COL19A1: variants seen among roughly 807,000 people sequenced by gnomAD.
The protein encoded by COL19A1 is collagen type XIX alpha 1 chain, also known as collagen alpha-1(XIX) chain.
Under a neutral mutation model 190.2 loss-of-function variants are expected in COL19A1, and 159 were observed. The ratio of observed to expected loss-of-function variants is 0.84; its 90% CI spans 0.73 to 0.95. COL19A1 has a LOEUF of 0.95. COL19A1 is among the 40% of genes least tolerant of loss of function. The pLI is 0.00. For missense variants in COL19A1, 1,418 were observed against 1,431.9 expected, an observed-to-expected ratio of 0.99 and a Z score of 0.16; for synonymous variants, 509 against 458.9, an observed-to-expected ratio of 1.11 and a Z score of -1.39.
At chr6:70,005,281 T>C (rs1268759663) in intron 11 of COL19A1, among the ~76,000 whole-genome samples, 1 of 152,214 alleles carries the variant, frequency 6.6e-6, no homozygotes, top group African/African-American at 2.4e-5. Context: ...CTCATCTTCA[T>C]GAGTTTGTCT....
At chr6:70,094,973 T>G (rs1783155464) in intron 15 of COL19A1, among the ~76,000 whole-genome samples, 1 of 152,178 alleles carries the variant, frequency 6.6e-6, no homozygotes, top group Admixed American at 6.5e-5. Context: ...AGCTTGATGC[T>G]TTTTTATAAA....
At chr6:70,099,446 AC>A (rs1473652841) in intron 15 of COL19A1, among the ~76,000 whole-genome samples, 1 of 152,134 alleles carries the variant, frequency 6.6e-6, no homozygotes, top group Non-Finnish European at 1.5e-5. Flanking sequence ...TTACTTTCAG[AC>A]TATGTGGATA....
chr6:69,949,522 A>T (rs535644929), intron 9 of COL19A1, among the ~76,000 whole-genome samples: 10 of 151,924 alleles, frequency 6.6e-5, no homozygotes, highest in South Asian at 4.2e-4. Context: ...AAATTGTAAA[A>T]TTTTTTTTAA....
chr6:69,979,044 A>G (rs1775887234), intron 11 of COL19A1, among the ~76,000 whole-genome samples: 2 of 151,958 alleles, frequency 1.3e-5, no homozygotes, highest in Non-Finnish European at 2.9e-5. Flanking sequence ...GGAAAATATG[A>G]CTACACTAAT....
At chr6:70,167,251 C>T (rs1765217092) in intron 37 of COL19A1, among the ~76,000 whole-genome samples, 1 of 152,196 alleles carries the variant, frequency 6.6e-6, no homozygotes, top group Non-Finnish European at 1.5e-5. Flanking sequence ...GTGACTTCTT[C>T]AACTCTGCAA....
At chr6:70,072,536 C>T (rs1781618919) in intron 15 of COL19A1, among the ~76,000 whole-genome samples, 1 of 152,046 alleles carries the variant, frequency 6.6e-6, no homozygotes, top group South Asian at 2.1e-4. Context: ...TGTAACTTAC[C>T]CCTCTATCCT....
At chr6:70,092,866 A>C (rs1428408925) in intron 15 of COL19A1, among the ~76,000 whole-genome samples, 1 of 152,158 alleles carries the variant, frequency 6.6e-6, no homozygotes, top group Admixed American at 6.6e-5. Context: ...AAATATTACT[A>C]ATGATTATTT....
chr6:70,063,204 A>G (rs1043976252), intron 14 of COL19A1, among the ~76,000 whole-genome samples: 34 of 152,140 alleles, frequency 2.2e-4, no homozygotes, highest in African/African-American at 8.2e-4. Flanking sequence ...CACTGCACCT[A>G]TTCCAAAATT....
chr6:70,122,053 A>G, intron 17 of COL19A1, 111 bp downstream of exon 17: 1 of 634,846 alleles, frequency 1.6e-6, no homozygotes, highest in Non-Finnish European at 2.6e-6. Context: ...ACATGATCAC[A>G]TGTATTTAAA....
intron 11 of COL19A1, among the ~76,000 whole-genome samples, chr6:69,981,787 C>A (rs1240944897): frequency 2.6e-5 from 4 of 151,954 alleles, no homozygotes; most frequent in Non-Finnish European, 2.9e-5. Flanking sequence ...TAGATACATG[C>A]ATTGCATATG....
chr6:69,901,838 G>A (rs1770212966), intron 4 of COL19A1, among the ~76,000 whole-genome samples: 1 of 152,206 alleles, frequency 6.6e-6, no homozygotes, highest in East Asian at 1.9e-4. Flanking sequence ...TTTGGCAAAA[G>A]GAGTGAAACC....
At chr6:70,050,317 A>G (rs1171412221) in intron 14 of COL19A1, among the ~76,000 whole-genome samples, 5 of 152,070 alleles carry the variant, frequency 3.3e-5, no homozygotes, top group Non-Finnish European at 7.4e-5. Context: ...ATAATTGCTG[A>G]CAAATGTTTA....
chr6:69,915,989 T>C (rs1771274476), intron 4 of COL19A1, among the ~76,000 whole-genome samples: 1 of 144,996 alleles, frequency 6.9e-6, no homozygotes, highest in Admixed American at 7.3e-5. Flanking sequence ...CAGGCTGGAG[T>C]GCAGTGGCGC....
At chr6:70,036,802 A>G (rs1482446361) in intron 14 of COL19A1, among the ~76,000 whole-genome samples, 2 of 152,174 alleles carry the variant, frequency 1.3e-5, no homozygotes, top group Non-Finnish European at 1.5e-5. Context: ...CAGATTTTTA[A>G]AAGTATTCTA....
intron 37 of COL19A1, among the ~76,000 whole-genome samples, chr6:70,167,043 G>C (rs190425478): frequency 7.2e-5 from 11 of 152,304 alleles, no homozygotes; most frequent in African/African-American, 2.6e-4. Context: ...GGAAATCTCA[G>C]ATGAAAATAT....
chr6:70,168,139 T>C (rs747023983), intron 38 of COL19A1, 32 bp from the exon 39 acceptor site: 21 of 1,607,018 alleles, frequency 1.3e-5, no homozygotes, highest in Non-Finnish European at 1.6e-5. Flanking sequence ...CTCATCTTTC[T>C]CTTTTTCTTT....
chr6:69,943,416 T>C (rs1461753044), intron 9 of COL19A1, among the ~76,000 whole-genome samples: 1 of 152,142 alleles, frequency 6.6e-6, no homozygotes, highest in Middle Eastern at 3.2e-3. Context: ...TGCAATATGG[T>C]CCCATTTGTC....
chr6:70,176,554 C>T lies in COL19A1; in HGVS notation c.2657C>T (p.Ala886Val). ...DRGPAGPPGI[A>V]GMSGKPGAPG... Reference sequence around the variant, plus strand: ...GGCCCAGCAGGTCCCCCAGGAATAGCAGGGATGTCGGTGAGTTCAGATTAC... The same window carrying T: ...GGCCCAGCAGGTCCCCCAGGAATAGTAGGGATGTCGGTGAGTTCAGATTAC... Residue 886 changes from alanine to valine, a missense_variant, in exon 42 of 51, where the codon GCA (alanine) becomes GTA (valine). Ala to Val is a moderately conservative substitution (Grantham distance 64). Coordinates refer to ENST00000620364, the MANE Select transcript of COL19A1 (RefSeq NM_001858.6). The T allele has an allele frequency of 6.2e-7, 1 of 1,613,390 alleles. No homozygotes were observed. The highest frequency in any genetic ancestry group is 8.5e-7 in the Non-Finnish European group (1 of 1,179,662).
At chr6:69,875,467 A>G (rs984848130) in intron 1 of COL19A1, among the ~76,000 whole-genome samples, 3 of 152,198 alleles carry the variant, frequency 2.0e-5, no homozygotes, top group Non-Finnish European at 4.4e-5. Context: ...GTAATGAATG[A>G]ATTCAGTAAT....
Sources: allele counts gnomAD v4.1 joint callset (sites outside exome capture counted in the v4.1 genomes callset), GRCh38; gene constraint gnomAD v4.1.1; transcripts MANE v1.5; gene names NCBI Gene and HGNC (gene_info 2026-07-23, HGNC 2026-07-21).